Variants in NDUFAF1 observed in about 807,000 individuals in gnomAD.
The protein encoded by NDUFAF1 is NADH:ubiquinone oxidoreductase complex assembly factor 1, also known as complex I intermediate-associated protein 30, mitochondrial.
NDUFAF1 carries 18 observed loss-of-function variants against 28.7 expected under a neutral mutation model. The observed-to-expected ratio is 0.63, with a 90% CI of 0.43 to 0.93. The LOEUF is 0.93. Among genes scored for constraint, NDUFAF1 ranks in the 40% least tolerant of loss-of-function variants. NDUFAF1 has a pLI of 0.00. For missense variants in NDUFAF1, 404 were observed against 398.3 expected (o/e 1.01, Z -0.12); for synonymous variants, 113 against 139.7 (o/e 0.81, Z 1.35).
At chr15:41,389,040 CTTA>C (rs1053286323) in intron 3 of NDUFAF1, among the ~76,000 whole-genome samples, 3 of 151,832 alleles carry the variant, frequency 2.0e-5, no homozygotes, top group Admixed American at 1.3e-4. Flanking sequence ...ATGTAATTTA[CTTA>C]TTATTAAGCA....
In NDUFAF1 at chr15:41,389,490, G is replaced by A. The variant is rs537847288; in HGVS notation, c.760-968C>T. Reference sequence around the variant, plus strand: ...TTGAGTTTAACAAAGGAAGAAAATGGCTGGGCCTGGTTGTGCATGCCTGTA... The same window carrying A: ...TTGAGTTTAACAAAGGAAGAAAATGACTGGGCCTGGTTGTGCATGCCTGTA... On this transcript the variant is annotated intron_variant, in intron 3 of 4. Coordinates refer to ENST00000260361, the MANE Select transcript of NDUFAF1 (RefSeq NM_016013.4). Among the ~76,000 whole-genome samples, 6 of 152,208 alleles carry A rather than the reference G, an allele frequency of 3.9e-5. No individual in the cohort carries two copies. In the South Asian group the frequency reaches 1.2e-3, roughly 32 times the overall value.
At position 41,396,899 on chromosome 15, in the gene NDUFAF1, T is replaced by C. The variant is rs201302970; in HGVS notation, c.161A>G (p.Lys54Arg). ...ASPGKASSQR[K>R]TEGDLQGDHQ... ...ATCTCCTTGCAAATCCCCTTCAGTC[T>C]TCCTCTGTGAGGAGGCTTTGCCAGG... The change falls in exon 2 of 5, where the codon AAG becomes AGG. Residue 54 changes from lysine (K) to arginine (R), a missense_variant. By Grantham distance (26) the Lys-to-Arg change is conservative (BLOSUM62 2). Coordinates refer to ENST00000260361, the MANE Select transcript of NDUFAF1 (RefSeq NM_016013.4). The C allele has an allele frequency of 1.4e-5, 23 of 1,614,204 alleles. No homozygotes were observed. Among genetic ancestry groups the C allele is most frequent in the Non-Finnish European group, 1.9e-5 (22 of 1,180,026 alleles).
chr15:41,389,214 C>T (rs2050289719), intron 3 of NDUFAF1, among the ~76,000 whole-genome samples: 1 of 150,628 alleles, frequency 6.6e-6, no homozygotes, highest in Admixed American at 6.6e-5. Context: ...TCCTGAGTAG[C>T]TGGGACTATA....
Position 41,397,066 on chromosome 15 carries a change from A to G in NDUFAF1, c.-7T>C. 1 of 1,613,000 alleles carries G rather than the reference A, an allele frequency of 6.2e-7. No homozygotes were observed. The highest frequency in any genetic ancestry group is 8.5e-7 in the Non-Finnish European group (1 of 1,179,688). On this transcript the variant is annotated 5_prime_UTR_variant, in exon 2 of 5. Transcript: ENST00000260361. ...ATTTGTGAACCAAAGCCATGGTACA[A>G]AAAAATCAAAATGTAAGTTTCTTCC...
In NDUFAF1 at chr15:41,396,779, A is replaced by C; in HGVS notation, c.281T>G (p.Phe94Cys). 6.2e-7 allele frequency: 1 copy of C among 1,614,112 alleles called. No homozygotes were observed. Among genetic ancestry groups the C allele is most frequent in the Non-Finnish European group, 8.5e-7 (1 of 1,180,036 alleles). Residue 94 changes from phenylalanine (F) to cysteine (C), a missense_variant, in exon 2 of 5, where the codon TTT (phenylalanine) becomes TGT (cysteine). Transcript: ENST00000260361. ...KAIRDEAIYH[F>C]RLLKDEIVDH... is the part of the protein sequence containing the mutation. Reference sequence around the variant, plus strand: ...CACAATTTCATCCTTCAAAAGCCTAAAATGGTATATTGCTTCATCTCTAAT... The same window carrying C: ...CACAATTTCATCCTTCAAAAGCCTACAATGGTATATTGCTTCATCTCTAAT...
At chr15:41,395,398 C>T (rs1444987644) in intron 2 of NDUFAF1, among the ~76,000 whole-genome samples, 2 of 147,756 alleles carry the variant, frequency 1.4e-5, no homozygotes, top group Middle Eastern at 3.6e-3. Flanking sequence ...GAGACGGAGT[C>T]TTGCTCTGTC....
intron 1 of NDUFAF1, among the ~76,000 whole-genome samples, chr15:41,401,357 G>A (rs28421136): frequency 0.23 from 31,532 of 139,000 alleles, 3,658 homozygotes; most frequent in Non-Finnish European, 0.26. Context: ...TGCAACCTCC[G>A]CCTCCCGGGT....
At chr15:41,400,239 C>T (rs947232173) in intron 1 of NDUFAF1, among the ~76,000 whole-genome samples, 4 of 151,128 alleles carry the variant, frequency 2.6e-5, no homozygotes, top group African/African-American at 4.9e-5. Flanking sequence ...GGTGTGGTGG[C>T]GCACAACTGT....
intron 2 of NDUFAF1, 93 bp from the exon 3 acceptor site, chr15:41,395,137 C>T (rs974950026): frequency 8.4e-7 from 1 of 1,187,092 alleles, no homozygotes; most frequent in African/African-American, 1.5e-5. Context: ...ACAGGATGCA[C>T]TAACCATTTT....
intron 2 of NDUFAF1, 85 bp downstream of exon 2, chr15:41,396,399 CAGA>C (rs1373976298): frequency 5.2e-6 from 7 of 1,345,540 alleles, no homozygotes; most frequent in Non-Finnish European, 7.3e-6. Flanking sequence ...TTTTCATTTA[CAGA>C]AACAAAAGCT....
intron 1 of NDUFAF1, among the ~76,000 whole-genome samples, chr15:41,398,518 T>C (rs1427212636): frequency 6.6e-6 from 1 of 150,872 alleles, no homozygotes; most frequent in Non-Finnish European, 1.5e-5. Flanking sequence ...TCTTGCTCTG[T>C]CACCCAGGCT....
intron 1 of NDUFAF1, among the ~76,000 whole-genome samples, chr15:41,397,668 G>A (rs1450263274): frequency 8.6e-5 from 13 of 151,300 alleles, no homozygotes; most frequent in Admixed American, 4.6e-4. Context: ...GTGTGGTGGC[G>A]GGCGCCTGTA....
At position 41,394,270 on chromosome 15, in the gene NDUFAF1, G is replaced by A. The variant is rs747709968; in HGVS notation, c.759+589C>T. The A allele has an allele frequency of 1.5e-5, 13 of 860,428 alleles. No individual in the cohort carries two copies. The South Asian group carries it at 1.8e-4, about 12-fold the overall frequency. The allele number at this position is 860,428 out of a possible 1,614,324, so 53.3% of individuals were successfully genotyped here. ...GCTGGTGTCGAACTCCCAACCTCAA[G>A]TGATCCGTCCGCCTTGGCCTCCCAA... On this transcript the variant is annotated intron_variant, in intron 3 of 4. Transcript: ENST00000260361.
chr15:41,396,019 C>T (rs1468255013), intron 2 of NDUFAF1, among the ~76,000 whole-genome samples: 2 of 150,112 alleles, frequency 1.3e-5, no homozygotes, highest in Non-Finnish European at 3.0e-5. Flanking sequence ...ACCTGGAGGG[C>T]GGAAGTTGCA....
chr15:41,389,249 A>ATTTT (rs749169325), intron 3 of NDUFAF1, among the ~76,000 whole-genome samples: 3 of 117,146 alleles, frequency 2.6e-5, no homozygotes, highest in Admixed American at 8.8e-5. Flanking sequence ...CACCCGGCTA[A>ATTTT]TTTTTTTTTT....
In NDUFAF1 at chr15:41,396,985, A is replaced by G; in HGVS notation, c.75T>C (p.Tyr25=). 6.2e-7 allele frequency: 1 copy of G among 1,612,508 alleles called. No homozygotes were observed. Among genetic ancestry groups the G allele is most frequent in the Non-Finnish European group, 8.5e-7 (1 of 1,179,362 alleles). Residue 25 remains tyrosine (Y), a synonymous_variant, in exon 2 of 5, where the codon TAT becomes TAC. Coordinates refer to ENST00000260361, the MANE Select transcript of NDUFAF1 (RefSeq NM_016013.4). ...CTGCAAAGCGAATACCCAAAAATGGATACAAGGCAGAAGTTGGCTTAGAGA... is the reference window on the plus strand; with the variant it reads ...CTGCAAAGCGAATACCCAAAAATGGGTACAAGGCAGAAGTTGGCTTAGAGA... ...RKFSKPTSAL[Y]PFLGIRFAEY...
At chr15:41,394,611 T>A (rs1595405661) in intron 3 of NDUFAF1, among the ~76,000 whole-genome samples, 1 of 108,060 alleles carries the variant, frequency 9.3e-6, no homozygotes. Flanking sequence ...GTAACAATCA[T>A]CTCCAAGACT....
chr15:41,401,560 G>A (rs1487015740), intron 1 of NDUFAF1, among the ~76,000 whole-genome samples: 1 of 151,624 alleles, frequency 6.6e-6, no homozygotes, highest in Non-Finnish European at 1.5e-5. Flanking sequence ...TCAGTCACTG[G>A]GATTACAGGC....
chr15:41,396,140 C>G (rs1210262175), intron 2 of NDUFAF1, among the ~76,000 whole-genome samples: 1 of 151,858 alleles, frequency 6.6e-6, no homozygotes, highest in Admixed American at 6.6e-5. Context: ...CTACAAAACC[C>G]CTGGTCATTA....
Sources: gnomAD v4.1 joint callset for allele counts (sites outside exome capture counted in the v4.1 genomes callset) on GRCh38, gnomAD v4.1.1 for gene constraint, MANE v1.5 for transcripts, NCBI Gene and HGNC (gene_info 2026-07-23, HGNC 2026-07-21) for gene names.